Variants in DCC observed in about 807,000 individuals in gnomAD.
The protein encoded by DCC is netrin receptor DCC.
Under a neutral mutation model 172.5 loss-of-function variants are expected in DCC, and 58 were observed. The ratio of observed to expected loss-of-function variants is 0.34; its 90% CI spans 0.27 to 0.42. DCC has a LOEUF of 0.42. DCC is among the 10% of genes least tolerant of loss of function. The pLI is 1.00. For missense variants in DCC, 1,740 were observed against 1,791.0 expected, an observed-to-expected ratio of 0.97 and a Z score of 0.51; for synonymous variants, 709 against 644.5, an observed-to-expected ratio of 1.10 and a Z score of -1.52.
chr18:52,654,140 C>CA lies in DCC; in HGVS notation c.92-97912dup, dbSNP rs1298495048. On this transcript the variant is annotated intron_variant, in intron 1 of 28. Coordinates refer to ENST00000442544, the MANE Select transcript of DCC (RefSeq NM_005215.4). ...AGGTACCAAATTCCTCACATATTGC[C>CA]AATAGAAAAGCACTTATTAATTCTT... Among the ~76,000 whole-genome samples the CA allele has an allele frequency of 6.6e-5, 10 of 152,150 alleles. 1 individual carries two copies. Among genetic ancestry groups the CA allele is most frequent in the Middle Eastern group, 3.4e-3 (1 of 294 alleles).
intron 5 of DCC, among the ~76,000 whole-genome samples, chr18:52,969,317 C>A (rs2040984729): frequency 2.0e-5 from 3 of 152,134 alleles, no homozygotes; most frequent in East Asian, 1.9e-4. Context: ...AACAAACAAT[C>A]TTTGTCTCCA....
chr18:52,486,960 G>C (rs997478040), intron 1 of DCC, among the ~76,000 whole-genome samples: 3 of 152,080 alleles, frequency 2.0e-5, no homozygotes, highest in Admixed American at 2.0e-4. Flanking sequence ...AACTCTTTTA[G>C]GCAGAATGTA....
At chr18:53,181,916 T>C (rs1453191739) in intron 9 of DCC, among the ~76,000 whole-genome samples, 1 of 152,210 alleles carries the variant, frequency 6.6e-6, no homozygotes, top group African/African-American at 2.4e-5. Context: ...ACCTAGTTAA[T>C]TTCTTATGCC....
intron 1 of DCC, among the ~76,000 whole-genome samples, chr18:52,508,453 T>C (rs1237807627): frequency 6.6e-6 from 1 of 152,188 alleles, no homozygotes; most frequent in African/African-American, 2.4e-5. Context: ...GCCTTTATAT[T>C]AAACAGATGT....
At chr18:53,254,209 G>C (rs1294130926) in intron 12 of DCC, among the ~76,000 whole-genome samples, 2 of 152,030 alleles carry the variant, frequency 1.3e-5, no homozygotes, top group Non-Finnish European at 2.9e-5. Flanking sequence ...GAGCAACAGG[G>C]CTCCAAGCTG....
chr18:53,431,455 A>G (rs1464690499), intron 21 of DCC, among the ~76,000 whole-genome samples: 2 of 141,376 alleles, frequency 1.4e-5, no homozygotes, highest in African/African-American at 5.0e-5. Flanking sequence ...TTATATTCAT[A>G]TAGTACACTT....
intron 15 of DCC, among the ~76,000 whole-genome samples, chr18:53,374,302 T>C (rs1403057312): frequency 6.6e-6 from 1 of 152,236 alleles, no homozygotes; most frequent in Non-Finnish European, 1.5e-5. Context: ...GGGGCAATGC[T>C]GTTTTATAGT....
At chr18:52,417,367 G>A (rs1334799774) in intron 1 of DCC, among the ~76,000 whole-genome samples, 2 of 151,966 alleles carry the variant, frequency 1.3e-5, no homozygotes, top group Non-Finnish European at 2.9e-5. Context: ...TGCTCTTCTC[G>A]AGGAGTATCT....
intron 5 of DCC, chr18:52,941,189 A>T (rs1247575663): frequency 1.7e-4 from 26 of 152,252 alleles, no homozygotes; most frequent in South Asian, 6.2e-4. Context: ...AAAGAAAAAA[A>T]GTTTAAGTCT....
chr18:53,435,988 T>A (rs1459550335), intron 22 of DCC, among the ~76,000 whole-genome samples: 2 of 152,190 alleles, frequency 1.3e-5, no homozygotes, highest in Non-Finnish European at 2.9e-5. Context: ...AAAAAGACCT[T>A]CAGATATTCA....
chr18:53,353,106 C>T (rs1368586574), intron 15 of DCC, among the ~76,000 whole-genome samples: 1 of 151,820 alleles, frequency 6.6e-6, no homozygotes, highest in Non-Finnish European at 1.5e-5. Flanking sequence ...GGAGAAATCT[C>T]GTTTCTACTA....
intron 2 of DCC, among the ~76,000 whole-genome samples, chr18:52,783,688 A>G (rs1459279937): frequency 1.3e-5 from 2 of 151,268 alleles, no homozygotes; most frequent in Admixed American, 6.6e-5. Flanking sequence ...GTATATGTGT[A>G]TGTATTATAT....
intron 2 of DCC, among the ~76,000 whole-genome samples, chr18:52,814,108 C>T (rs371960376): frequency 1.0e-3 from 155 of 152,258 alleles, no homozygotes; most frequent in African/African-American, 3.7e-3. Context: ...CATAGGTGTA[C>T]CCTGTTCTTT....
chr18:53,119,187 C>T (rs1354549309), intron 7 of DCC, among the ~76,000 whole-genome samples: 1 of 151,714 alleles, frequency 6.6e-6, no homozygotes, highest in African/African-American at 2.4e-5. Flanking sequence ...TACAGTGGGT[C>T]AAGATCTGCT....
At chr18:52,442,640 T>C (rs1181681357) in intron 1 of DCC, among the ~76,000 whole-genome samples, 2 of 152,230 alleles carry the variant, frequency 1.3e-5, no homozygotes, top group Non-Finnish European at 2.9e-5. Flanking sequence ...ACATCTCTGA[T>C]ATTTTGAAAC....
chr18:52,482,603 T>C (rs919472036), intron 1 of DCC, among the ~76,000 whole-genome samples: 4 of 152,138 alleles, frequency 2.6e-5, no homozygotes, highest in Admixed American at 1.3e-4. Context: ...GTCCCTTTTA[T>C]AAGGACACTA....
chr18:52,520,655 C>G lies in DCC; in HGVS notation c.91+179777C>G, dbSNP rs1385434951. ...AGTTCTTTTTATGTCCCTATAAATA[C>G]AGTCGTTCAGATTGAGTTTTAAATA... On this transcript the variant is annotated intron_variant, in intron 1 of 28. Transcript: ENST00000442544. 2.6e-5 allele frequency among the ~76,000 whole-genome samples: 4 copies of G among 152,090 alleles called. No individual in the cohort carries two copies. The East Asian group carries it at 7.7e-4, about 29-fold the overall frequency.
At chr18:52,924,613 C>T (rs1033410465) in intron 4 of DCC, among the ~76,000 whole-genome samples, 1 of 152,018 alleles carries the variant, frequency 6.6e-6, no homozygotes, top group Admixed American at 6.6e-5. Flanking sequence ...TTTTTGAGGA[C>T]TGGTATTCTC....
chr18:52,408,033 C>G (rs1198909476), intron 1 of DCC, among the ~76,000 whole-genome samples: 2 of 152,060 alleles, frequency 1.3e-5, no homozygotes, highest in Non-Finnish European at 2.9e-5. Flanking sequence ...TTTGTATCTA[C>G]TTATAAATCT....
Sources: allele counts gnomAD v4.1 joint callset (sites outside exome capture counted in the v4.1 genomes callset), GRCh38; gene constraint gnomAD v4.1.1; transcripts MANE v1.5; gene names NCBI Gene and HGNC (gene_info 2026-07-23, HGNC 2026-07-21).